Variants in ZNHIT6 observed in about 807,000 individuals in gnomAD.
The protein encoded by ZNHIT6 is box C/D snoRNA protein 1.
A neutral mutation model predicts 57.2 loss-of-function variants in ZNHIT6; 45 were observed. The observed-to-expected ratio is 0.79, with a 90% CI of 0.62 to 1.01. ZNHIT6 has a LOEUF of 1.01. Ranked by LOEUF, ZNHIT6 falls within the 50% of genes least tolerant of loss-of-function variation. The probability of loss-of-function intolerance (pLI) is 0.00; values close to 1 mark genes in which losing one functional copy is unlikely to be tolerated. For synonymous variants in ZNHIT6, 188 were observed against 190.0 expected (o/e 0.99, Z 0.09); for missense variants, 528 against 567.3 (o/e 0.93, Z 0.70).
Position 85,653,475 on chromosome 1 carries a change from A to G in ZNHIT6, c.*583T>C, listed in dbSNP as rs1660968668. ...GTCACGCATGAAATTAACAAATAAA[A>G]AATGTTCAAGGCCAGGTGTGGTGGC... On this transcript the variant is annotated 3_prime_UTR_variant, in exon 10 of 10. Coordinates refer to ENST00000370574, the MANE Select transcript of ZNHIT6 (RefSeq NM_017953.4). 1 of 152,152 alleles carries G rather than the reference A, an allele frequency of 6.6e-6. No individual in the cohort carries two copies. The highest frequency in any genetic ancestry group is 1.5e-5 in the Non-Finnish European group (1 of 68,036). 9.4% of individuals were successfully genotyped at this position (152,152 alleles called of 1,614,324 possible).
rs759055916 is a variant in ZNHIT6 at position 85,657,834 on chromosome 1, A to C, written c.1372+13T>G. ...AGCTATTCTAAGCATTACAGAAACAAATTTACACTTACCTTGGTGAAGAAC... is the reference window on the plus strand; with the variant it reads ...AGCTATTCTAAGCATTACAGAAACACATTTACACTTACCTTGGTGAAGAAC... On this transcript the variant is annotated intron_variant, in intron 9 of 9. Transcript: ENST00000370574. The C allele has an allele frequency of 9.3e-6, 15 of 1,605,764 alleles. No homozygotes were observed. In the South Asian group the frequency reaches 1.7e-4, roughly 18 times the overall value.
chr1:85,667,073 A>T (rs1266723108), intron 8 of ZNHIT6, among the ~76,000 whole-genome samples: 1 of 152,208 alleles, frequency 6.6e-6, no homozygotes, highest in Non-Finnish European at 1.5e-5. Flanking sequence ...ATCTGAGAAC[A>T]TGCATTATGA....
At chr1:85,664,488 C>G (rs939738215) in intron 8 of ZNHIT6, among the ~76,000 whole-genome samples, 2 of 152,118 alleles carry the variant, frequency 1.3e-5, no homozygotes, top group African/African-American at 4.8e-5. Flanking sequence ...TGGGGCTTGC[C>G]ATTCTCCTGA....
rs12057559 is a variant in ZNHIT6 at position 85,653,612 on chromosome 1, A to G, written c.*446T>C. ...GCAACCCTGTCTCTACCAAAAAAAA[A>G]CAACAACAAAAAACTTAGCTGAGTG... On this transcript the variant is annotated 3_prime_UTR_variant, in exon 10 of 10. Coordinates refer to ENST00000370574, the MANE Select transcript of ZNHIT6 (RefSeq NM_017953.4). 24,406 of 152,154 alleles carry G rather than the reference A, an allele frequency of 0.16. 2,084 individuals carry two copies. Among genetic ancestry groups the G allele is most frequent in the East Asian group, 0.23 (1,192 of 5,180 alleles). The allele number at this position is 152,154 out of a possible 1,614,324, so 9.4% of individuals were successfully genotyped here.
At chr1:85,665,285 A>C (rs1661339304) in intron 8 of ZNHIT6, among the ~76,000 whole-genome samples, 2 of 150,176 alleles carry the variant, frequency 1.3e-5, no homozygotes, top group South Asian at 4.2e-4. Flanking sequence ...AAGGTATACA[A>C]TTTGATTTTT....
intron 9 of ZNHIT6, 109 bp downstream of exon 9, chr1:85,657,734 TGTAA>T: frequency 9.8e-7 from 1 of 1,019,072 alleles, no homozygotes; most frequent in East Asian, 2.6e-5. Context: ...CAGTAGATCC[TGTAA>T]GTGTGTAAAT....
chr1:85,682,314 G>A (rs936295438), intron 5 of ZNHIT6, among the ~76,000 whole-genome samples: 4 of 151,058 alleles, frequency 2.6e-5, no homozygotes, highest in South Asian at 2.1e-4. Context: ...ATGAGCCACC[G>A]CACCCGGCCT....
intron 5 of ZNHIT6, among the ~76,000 whole-genome samples, chr1:85,682,701 T>A (rs1661913104): frequency 6.6e-6 from 1 of 152,166 alleles, no homozygotes; most frequent in African/African-American, 2.4e-5. Flanking sequence ...ACACTAACTT[T>A]TAAAATGTGA....
At chr1:85,676,884 G>A (rs776884387) in intron 8 of ZNHIT6, among the ~76,000 whole-genome samples, 5 of 151,966 alleles carry the variant, frequency 3.3e-5, no homozygotes, top group Admixed American at 6.5e-5. Flanking sequence ...GAAAACTGGT[G>A]CAGATAGACT....
At position 85,707,988 on chromosome 1, in the gene ZNHIT6, C is replaced by T; in HGVS notation, c.297G>A (p.Gln99=). The change falls in exon 1 of 10, where the codon CAG becomes CAA. Residue 99 remains glutamine (Q), a synonymous_variant. Transcript: ENST00000370574. ...TCACCTCAGGCCTATCCTCCACCTC[C>T]TGTTCTACCCACTGGCCAGCCAACC... ...EGRLAGQWVE[Q]EVEDRPEVKD... 2 of 1,614,164 alleles carry T rather than the reference C, an allele frequency of 1.2e-6. No homozygotes were observed. The highest frequency in any genetic ancestry group is 1.7e-6 in the Non-Finnish European group (2 of 1,180,024).
chr1:85,667,983 T>TATATATATATAC (rs1557842283), intron 8 of ZNHIT6, among the ~76,000 whole-genome samples: 2 of 96,442 alleles, frequency 2.1e-5, no homozygotes, highest in East Asian at 5.8e-4. Context: ...TATATATATA[T>TATATATATATAC]ATGCTCTGCT....
chr1:85,697,265 CT>C (rs1246826562), intron 5 of ZNHIT6, among the ~76,000 whole-genome samples: 6 of 152,084 alleles, frequency 3.9e-5, no homozygotes, highest in African/African-American at 1.4e-4. Flanking sequence ...ATGTTAAAGA[CT>C]TTTTTGGTCC....
chr1:85,683,219 A>C (rs536138288), intron 5 of ZNHIT6, among the ~76,000 whole-genome samples: 1 of 152,048 alleles, frequency 6.6e-6, no homozygotes, highest in South Asian at 2.1e-4. Flanking sequence ...CTGTTTCAAA[A>C]AAAAGAAAAA....
chr1:85,687,281 C>CAAAACAAAAAAAAAAAAAA (rs1662075712), intron 5 of ZNHIT6, among the ~76,000 whole-genome samples: 1 of 33,606 alleles, frequency 3.0e-5, no homozygotes, highest in Non-Finnish European at 5.7e-5. Flanking sequence ...AAGACTATCT[C>CAAAACAAAAAAAAAAAAAA]AAAAAACAAA....
intron 8 of ZNHIT6, among the ~76,000 whole-genome samples, chr1:85,667,745 C>T (rs1446057411): frequency 6.7e-6 from 1 of 150,254 alleles, no homozygotes; most frequent in Non-Finnish European, 1.5e-5. Context: ...CCAGCCTGGC[C>T]ACTATGGCAA....
rs1406798256 is a variant in ZNHIT6, at chr1:85,708,393, C to G, written c.-109G>C. 2.2e-6 allele frequency: 3 copies of G among 1,387,556 alleles called. No individual in the cohort carries two copies. In the African/African-American group the frequency reaches 4.3e-5, roughly 20 times the overall value. 86.0% of individuals were successfully genotyped at this position (1,387,556 alleles called of 1,614,324 possible). The stretch of plus-strand genomic sequence containing the variant: ...TACCTACGGCGGCCCACGTGTGGAG[C>G]CAAGCAGCCACAAACCCGGAATAGC... On this transcript the variant is annotated 5_prime_UTR_variant, in exon 1 of 10. Coordinates refer to ENST00000370574, the MANE Select transcript of ZNHIT6 (RefSeq NM_017953.4).
chr1:85,662,749 G>A (rs1366494944), intron 8 of ZNHIT6, among the ~76,000 whole-genome samples: 1 of 152,086 alleles, frequency 6.6e-6, no homozygotes, highest in Non-Finnish European at 1.5e-5. Context: ...CATAAATGAG[G>A]ACGATACCTG....
In ZNHIT6 at chr1:85,652,100, T is replaced by C. The variant is rs184935685; in HGVS notation, c.*1958A>G. On this transcript the variant is annotated 3_prime_UTR_variant, in exon 10 of 10. Coordinates refer to ENST00000370574, the MANE Select transcript of ZNHIT6 (RefSeq NM_017953.4). ...CTCCTGAGCAGTGGAAACTACAGGA[T>C]AGTTTGTTTTCTGTCCAGGTTTCAA... 3.3e-5 allele frequency: 5 copies of C among 152,262 alleles called. No individual in the cohort carries two copies. The East Asian group carries it at 9.7e-4, about 29-fold the overall frequency. 9.4% of individuals were successfully genotyped at this position (152,262 alleles called of 1,614,324 possible). A position where few individuals can be genotyped will look rare whatever the true frequency, so the allele number is the denominator to read the frequency against.
At chr1:85,664,397 T>A (rs1228730511) in intron 8 of ZNHIT6, among the ~76,000 whole-genome samples, 1 of 152,192 alleles carries the variant, frequency 6.6e-6, no homozygotes, top group African/African-American at 2.4e-5. Flanking sequence ...CTTTGTCAGA[T>A]CTGTTAGGTT....
Sources: gnomAD v4.1 joint callset for allele counts (sites outside exome capture counted in the v4.1 genomes callset) on GRCh38, gnomAD v4.1.1 for gene constraint, MANE v1.5 for transcripts, NCBI Gene and HGNC (gene_info 2026-07-23, HGNC 2026-07-21) for gene names.